The following CRYBG1 variants were observed in gnomAD, a reference collection of about 807,000 sequenced individuals.
CRYBG1 encodes the protein beta/gamma crystallin domain-containing protein 1.
In CRYBG1, 139 loss-of-function variants were observed where a neutral mutation model predicts 189.2. The observed-to-expected ratio is 0.73, with a 90% CI of 0.64 to 0.85. The LOEUF (loss-of-function observed/expected upper bound fraction) is 0.85, where lower values mean the gene tolerates loss of function less well. CRYBG1 is among the 40% of genes least tolerant of loss of function. CRYBG1 has a pLI of 0.00. For synonymous variants in CRYBG1, 1,023 were observed against 1,017.1 expected (o/e 1.01, Z -0.11); for missense variants, 2,611 against 2,675.8 (o/e 0.98, Z 0.53).
intron 8 of CRYBG1, among the ~76,000 whole-genome samples, chr6:106,532,054 C>T (rs1773885203): frequency 6.6e-6 from 1 of 152,070 alleles, no homozygotes; most frequent in Non-Finnish European, 1.5e-5. Context: ...AATAATTGCA[C>T]ATATTTATGG....
intron 2 of CRYBG1, among the ~76,000 whole-genome samples, chr6:106,479,800 G>T (rs1369954725): frequency 6.6e-6 from 1 of 152,162 alleles, no homozygotes; most frequent in Non-Finnish European, 1.5e-5. Context: ...AACTGTAAAA[G>T]TTCTGTATGC....
At position 106,478,243 on chromosome 6, in the gene CRYBG1, G is replaced by A. The variant is rs375489996; in HGVS notation, c.312+26411G>A. Among the ~76,000 whole-genome samples the A allele has an allele frequency of 3.2e-4, 48 of 152,304 alleles. 1 individual carries two copies. The highest frequency in any genetic ancestry group is 7.9e-4 in the African/African-American group (33 of 41,560). On this transcript the variant is annotated intron_variant, in intron 2 of 21. Transcript: ENST00000633556. ...GCACAAAAATTAAAAAGAAAATAAT[G>A]AGTGTGTATGTATTATCCTTTTGTT...
chr6:106,409,579 AAAAC>A (rs1321708023), intron 1 of CRYBG1, among the ~76,000 whole-genome samples: 1 of 152,140 alleles, frequency 6.6e-6, no homozygotes, highest in Non-Finnish European at 1.5e-5. Flanking sequence ...AATCCTAAGC[AAAAC>A]AAACAAAGCT....
intron 2 of CRYBG1, among the ~76,000 whole-genome samples, chr6:106,504,706 A>G (rs1773092044): frequency 6.6e-6 from 1 of 151,992 alleles, no homozygotes; most frequent in South Asian, 2.1e-4. Context: ...TATTATCCCA[A>G]TCAATATCAG....
intron 20 of CRYBG1, among the ~76,000 whole-genome samples, chr6:106,563,297 T>C (rs1404581255): frequency 1.3e-5 from 2 of 152,132 alleles, no homozygotes; most frequent in Non-Finnish European, 2.9e-5. Context: ...TGCTAATAAA[T>C]GCAATTCCGA....
intron 1 of CRYBG1, among the ~76,000 whole-genome samples, chr6:106,403,410 C>T (rs1041265644): frequency 1.3e-5 from 2 of 152,138 alleles, no homozygotes; most frequent in African/African-American, 2.4e-5. Flanking sequence ...AACATGATTC[C>T]GCGTTGTGGG....
chr6:106,443,374 C>T (rs1387232122), intron 1 of CRYBG1, among the ~76,000 whole-genome samples: 1 of 152,066 alleles, frequency 6.6e-6, no homozygotes, highest in Non-Finnish European at 1.5e-5. Flanking sequence ...GTACATGGAC[C>T]TCATTGTCTA....
chr6:106,526,282 T>G (rs1773736869), intron 6 of CRYBG1, among the ~76,000 whole-genome samples: 1 of 152,314 alleles, frequency 6.6e-6, no homozygotes, highest in East Asian at 1.9e-4. Flanking sequence ...AACATAGTCA[T>G]GAGAAAAACA....
At chr6:106,453,575 T>C (rs1378442582) in intron 2 of CRYBG1, among the ~76,000 whole-genome samples, 2 of 152,248 alleles carry the variant, frequency 1.3e-5, no homozygotes, top group Non-Finnish European at 2.9e-5. Flanking sequence ...GTTTCCTATA[T>C]TTTTCCTTCA....
At chr6:106,456,852 C>CA (rs1771898571) in intron 2 of CRYBG1, among the ~76,000 whole-genome samples, 1 of 152,154 alleles carries the variant, frequency 6.6e-6, no homozygotes, top group Non-Finnish European at 1.5e-5. Context: ...GACCTCACCC[C>CA]AAACCTGCTC....
chr6:106,567,427 C>A (rs972577932), intron 21 of CRYBG1, among the ~76,000 whole-genome samples: 4 of 152,190 alleles, frequency 2.6e-5, no homozygotes, highest in Admixed American at 6.5e-5. Flanking sequence ...GAGACGATTT[C>A]CTTCCTCAAC....
chr6:106,563,167 G>A (rs1774775158), intron 20 of CRYBG1, among the ~76,000 whole-genome samples: 1 of 152,182 alleles, frequency 6.6e-6, no homozygotes. Context: ...ATTCACTTCA[G>A]GGAAGGGCTC....
At position 106,477,384 on chromosome 6, in the gene CRYBG1, T is replaced by C. The variant is rs766625768; in HGVS notation, c.312+25552T>C. ...TGGTTCTTACGTTTGCTTTGTGCTTTCAGTAGATAGTTAATATCCATTTAA... is the reference window on the plus strand; with the variant it reads ...TGGTTCTTACGTTTGCTTTGTGCTTCCAGTAGATAGTTAATATCCATTTAA... On this transcript the variant is annotated intron_variant, in intron 2 of 21. Coordinates refer to ENST00000633556, the MANE Select transcript of CRYBG1 (RefSeq NM_001371242.2). Among the ~76,000 whole-genome samples the C allele has an allele frequency of 7.2e-5, 11 of 152,328 alleles. 1 individual carries two copies. In the Middle Eastern group the frequency reaches 0.014, roughly 188 times the overall value.
At chr6:106,368,276 T>TAC (rs139872790) in intron 1 of CRYBG1, among the ~76,000 whole-genome samples, 4,866 of 149,902 alleles carry the variant, frequency 0.032, 117 homozygotes, top group South Asian at 0.06. Flanking sequence ...TACACACACA[T>TAC]ACACACACAC....
chr6:106,390,814 C>T (rs1460219165), intron 1 of CRYBG1, among the ~76,000 whole-genome samples: 1 of 152,142 alleles, frequency 6.6e-6, no homozygotes, highest in East Asian at 1.9e-4. Flanking sequence ...CATGCTATTA[C>T]CATTGGATAT....
intron 13 of CRYBG1, among the ~76,000 whole-genome samples, chr6:106,548,954 T>A (rs1774333693): frequency 7.1e-6 from 1 of 141,550 alleles, no homozygotes. Flanking sequence ...CCATGTGTTC[T>A]CATTGTTCAA....
At chr6:106,554,422 T>C (rs997997398) in intron 16 of CRYBG1, among the ~76,000 whole-genome samples, 5 of 152,208 alleles carry the variant, frequency 3.3e-5, no homozygotes, top group Admixed American at 2.0e-4. Flanking sequence ...GAGACCAGCC[T>C]GGCCATCATG....
At chr6:106,395,331 T>C (rs931460079) in intron 1 of CRYBG1, among the ~76,000 whole-genome samples, 1 of 151,858 alleles carries the variant, frequency 6.6e-6, no homozygotes, top group African/African-American at 2.4e-5. Context: ...TTCCTCTCAT[T>C]CTTTTTTATT....
intron 1 of CRYBG1, among the ~76,000 whole-genome samples, chr6:106,365,178 C>T (rs1022227160): frequency 2.0e-5 from 3 of 152,068 alleles, no homozygotes; most frequent in African/African-American, 7.2e-5. Context: ...CCTGTAATCC[C>T]AGCACTTTAG....
Sources: allele counts gnomAD v4.1 joint callset (sites outside exome capture counted in the v4.1 genomes callset), GRCh38; gene constraint gnomAD v4.1.1; transcripts MANE v1.5; gene names NCBI Gene and HGNC (gene_info 2026-07-23, HGNC 2026-07-21).